The following COL4A2 variants were observed in gnomAD, a reference collection of about 807,000 sequenced individuals.
COL4A2 encodes the protein collagen type IV alpha 2 chain, also known as collagen alpha-2(IV) chain.
Under a neutral mutation model 200.2 loss-of-function variants are expected in COL4A2, and 99 were observed. That is an observed-to-expected ratio of 0.49 (90% CI 0.42 to 0.58). COL4A2 has a LOEUF of 0.58. Ranked by LOEUF, COL4A2 falls within the 20% of genes least tolerant of loss-of-function variation. The pLI, the probability that COL4A2 is intolerant of heterozygous loss-of-function variation, is 0.00. For synonymous variants in COL4A2, 897 were observed against 900.6 expected, an observed-to-expected ratio of 1.00 and a Z score of 0.07; for missense variants, 1,950 against 2,314.1, an observed-to-expected ratio of 0.84 and a Z score of 3.23.
At chr13:110,444,638 A>G (rs952189983) in intron 16 of COL4A2, among the ~76,000 whole-genome samples, 4 of 152,202 alleles carry the variant, frequency 2.6e-5, no homozygotes, top group African/African-American at 7.2e-5. Flanking sequence ...ATAACCTCGA[A>G]AGTAATCAGA....
At chr13:110,507,761 A>G (rs1883934862) in intron 46 of COL4A2, 174 bp from the exon 47 acceptor site, 1 of 637,540 alleles carries the variant, frequency 1.6e-6, no homozygotes, top group Non-Finnish European at 2.7e-6. Flanking sequence ...TCTGATCAAA[A>G]AGAGAAAAAG....
intron 4 of COL4A2, among the ~76,000 whole-genome samples, chr13:110,401,088 C>G (rs1224431216): frequency 6.6e-6 from 1 of 152,174 alleles, no homozygotes; most frequent in Non-Finnish European, 1.5e-5. Flanking sequence ...GCTGACTGTC[C>G]CATCCAAACA....
intron 3 of COL4A2, among the ~76,000 whole-genome samples, chr13:110,317,271 TACAC>T (rs1359062815): frequency 2.1e-5 from 3 of 145,846 alleles, no homozygotes; most frequent in Non-Finnish European, 3.0e-5. Context: ...CACTCACACA[TACAC>T]ACAGATGCAC....
chr13:110,442,576 A>G (rs933783857), intron 16 of COL4A2, among the ~76,000 whole-genome samples: 4 of 152,222 alleles, frequency 2.6e-5, no homozygotes, highest in African/African-American at 9.6e-5. Context: ...AAGAAAAGAT[A>G]TCCTGGGTAG....
intron 3 of COL4A2, among the ~76,000 whole-genome samples, chr13:110,320,024 G>A (rs1885237199): frequency 1.3e-5 from 2 of 152,346 alleles, no homozygotes; most frequent in Middle Eastern, 3.4e-3. Context: ...CCACATCAAG[G>A]CGCCAGAGGT....
intron 3 of COL4A2, among the ~76,000 whole-genome samples, chr13:110,315,023 C>T (rs1566468371): frequency 1.3e-5 from 2 of 152,262 alleles, no homozygotes; most frequent in Non-Finnish European, 2.9e-5. Context: ...TGGCCAGTGG[C>T]TGTTGCCTTG....
At position 110,512,048 on chromosome 13, in the gene COL4A2, C is replaced by T. The variant is rs1884100870; in HGVS notation, c.4996C>T (p.His1666Tyr). 6.2e-7 allele frequency: 1 copy of T among 1,613,852 alleles called. No individual in the cohort carries two copies. The highest frequency in any genetic ancestry group is 8.5e-7 in the Non-Finnish European group (1 of 1,180,042). The change falls in exon 48 of 48, where the codon CAC (histidine) becomes TAC (tyrosine). Residue 1666 changes from histidine (H) to tyrosine (Y), a missense_variant. This residue lies in a region of COL4A2 where 1,385 missense variants were observed against 1,720.5 expected (regional missense o/e 0.80). Transcript: ENST00000360467. ...ATGCAATGGAGGCCGCGGCACCTGC[C>T]ACTACTACGCCAACAAGTACAGCTT... is the stretch of plus-strand genomic sequence containing the variant. The part of the protein sequence containing the change: ...IECNGGRGTC[H>Y]YYANKYSFWL...
chr13:110,318,198 C>T (rs1055897573), intron 3 of COL4A2, among the ~76,000 whole-genome samples: 1 of 152,190 alleles, frequency 6.6e-6, no homozygotes, highest in Admixed American at 6.5e-5. Flanking sequence ...ATTAAATGAA[C>T]ATGTCTGATG....
chr13:110,418,964 A>G (rs184592408), intron 4 of COL4A2, among the ~76,000 whole-genome samples: 1 of 152,382 alleles, frequency 6.6e-6, no homozygotes, highest in Admixed American at 6.5e-5. Context: ...TTATTTTTCT[A>G]GAGCCTAAAA....
At chr13:110,454,520 A>G (rs1881646490) in intron 20 of COL4A2, among the ~76,000 whole-genome samples, 1 of 152,152 alleles carries the variant, frequency 6.6e-6, no homozygotes, top group African/African-American at 2.4e-5. Context: ...GCTTGGAGAC[A>G]GAGAACAAAG....
At chr13:110,498,072 G>A (rs183251817) in intron 40 of COL4A2, among the ~76,000 whole-genome samples, 17 of 152,342 alleles carry the variant, frequency 1.1e-4, no homozygotes, top group East Asian at 9.7e-4. Context: ...GACCATGCCC[G>A]TGACCTTTAA....
intron 4 of COL4A2, among the ~76,000 whole-genome samples, chr13:110,421,023 G>A (rs1880229599): frequency 6.6e-6 from 1 of 152,222 alleles, no homozygotes; most frequent in Non-Finnish European, 1.5e-5. Context: ...GCTCAGGATG[G>A]ACTGTTTAGA....
intron 45 of COL4A2, among the ~76,000 whole-genome samples, chr13:110,505,337 G>A (rs976797157): frequency 3.3e-5 from 5 of 151,874 alleles, no homozygotes; most frequent in Non-Finnish European, 5.9e-5. Context: ...GGGACAGAGC[G>A]AGACTCCGTC....
intron 4 of COL4A2, among the ~76,000 whole-genome samples, chr13:110,413,266 GACAGC>G (rs1159365733): frequency 6.6e-6 from 1 of 152,256 alleles, no homozygotes; most frequent in Non-Finnish European, 1.5e-5. Context: ...GTGTTTAACA[GACAGC>G]ACATGGAGTG....
At chr13:110,501,917 A>T in intron 41 of COL4A2, 133 bp downstream of exon 41, 10 of 855,282 alleles carry the variant, frequency 1.2e-5, no homozygotes, top group Non-Finnish European at 1.9e-5. Context: ...GGCAGGAGCC[A>T]TGATGGCTCC....
At chr13:110,334,382 A>G (rs933221362) in intron 3 of COL4A2, among the ~76,000 whole-genome samples, 2 of 152,236 alleles carry the variant, frequency 1.3e-5, no homozygotes, top group African/African-American at 4.8e-5. Flanking sequence ...ACGATGCCCT[A>G]AGGATTCTGT....
chr13:110,340,946 A>G (rs1340714118), intron 3 of COL4A2: 3 of 152,200 alleles, frequency 2.0e-5, no homozygotes, highest in African/African-American at 7.2e-5. Flanking sequence ...AGTATTGTCT[A>G]TTAAGGGAAA....
intron 24 of COL4A2, among the ~76,000 whole-genome samples, chr13:110,463,978 G>A (rs1882133668): frequency 6.6e-6 from 1 of 152,220 alleles, no homozygotes; most frequent in Admixed American, 6.5e-5. Flanking sequence ...GCCAGAAGAG[G>A]AGGATGAGTG....
chr13:110,482,453 G>T, intron 31 of COL4A2, 63 bp from the exon 32 acceptor site: 1 of 1,540,204 alleles, frequency 6.5e-7, no homozygotes, highest in South Asian at 1.1e-5. Context: ...GGAGACGTGA[G>T]ACTGAAATGT....
Sources: allele counts gnomAD v4.1 joint callset (sites outside exome capture counted in the v4.1 genomes callset), GRCh38; gene constraint gnomAD v4.1.1; regional missense constraint gnomAD v4.1.1; transcripts MANE v1.5; gene names NCBI Gene and HGNC (gene_info 2026-07-23, HGNC 2026-07-21).